The following HOMER3 variants were observed in gnomAD, a reference collection of about 807,000 sequenced individuals.
HOMER3 encodes homer protein homolog 3.
A neutral mutation model predicts 45.5 loss-of-function variants in HOMER3; 34 were observed. The observed-to-expected ratio is 0.75, with a 90% CI of 0.57 to 1.00. The LOEUF is 1.00. Ranked by LOEUF, HOMER3 falls within the 50% of genes least tolerant of loss-of-function variation. The probability of loss-of-function intolerance (pLI) is 0.00; values close to 1 mark genes in which losing one functional copy is unlikely to be tolerated. For missense variants in HOMER3, 480 were observed against 497.5 expected (o/e 0.96, Z 0.33); for synonymous variants, 223 against 208.8 (o/e 1.07, Z -0.58).
chr19:18,933,043 C>T lies in HOMER3; in HGVS notation c.414G>A (p.Val138=). The T allele has an allele frequency of 1.3e-6, 2 of 1,489,096 alleles. No homozygotes were observed. The highest frequency in any genetic ancestry group is 1.8e-6 in the Non-Finnish European group (2 of 1,124,184). 92.2% of individuals were successfully genotyped at this position (1,489,096 alleles called of 1,614,324 possible). A position where few individuals can be genotyped will look rare whatever the true frequency, so the allele number is the denominator to read the frequency against. The change falls in exon 6 of 10, where the codon GTG becomes GTA. Residue 138 remains valine, a splice_region_variant and synonymous_variant. Transcript: ENST00000392351. ...SPALGLASHQ[V]PPSPLVSANG... ...TGGCACTGACGAGAGGGCTCGGGGGCACCTAGGCACGGGGAAAAGAATAGG... is the reference window on the plus strand; with the variant it reads ...TGGCACTGACGAGAGGGCTCGGGGGTACCTAGGCACGGGGAAAAGAATAGG...
chr19:18,933,768 G>A (rs931662182), intron 5 of HOMER3, among the ~76,000 whole-genome samples: 9 of 151,744 alleles, frequency 5.9e-5, no homozygotes, highest in African/African-American at 2.2e-4. Flanking sequence ...GCAGTGGCAC[G>A]ATCTCGGCTC....
chr19:18,929,971 G>A (rs1285555002), intron 9 of HOMER3, among the ~76,000 whole-genome samples: 3 of 151,632 alleles, frequency 2.0e-5, no homozygotes, highest in Non-Finnish European at 2.9e-5. Flanking sequence ...ACACCACCAC[G>A]CCCAGTGATG....
rs571999581 is a variant in HOMER3 at position 18,935,430 on chromosome 19, GGGGT to G, written c.304-1024_304-1021del. Among the ~76,000 whole-genome samples, 364 of 152,024 alleles carry G rather than the reference GGGGT, an allele frequency of 2.4e-3. 4 individuals are homozygous for G. Among genetic ancestry groups the G allele is most frequent in the African/African-American group, 8.5e-3 (351 of 41,492 alleles). ...GAATGACAGGTATGAGCCAACATGTGGGGTCCCTTTTAATCTTTATCAGGGCTAT... is the reference window on the plus strand; with the variant it reads ...GAATGACAGGTATGAGCCAACATGTGCCCTTTTAATCTTTATCAGGGCTAT... On this transcript the variant is annotated intron_variant, in intron 4 of 9. Coordinates refer to ENST00000392351, the MANE Select transcript of HOMER3 (RefSeq NM_004838.4).
At chr19:18,934,277 G>T (rs1020543778) in intron 5 of HOMER3, 26 bp downstream of exon 5, 2 of 1,337,850 alleles carry the variant, frequency 1.5e-6, no homozygotes, top group Admixed American at 3.0e-5. Context: ...TGCCCAGGCA[G>T]GCATAGGGGA....
chr19:18,937,453 G>A (rs542226156), intron 4 of HOMER3, among the ~76,000 whole-genome samples: 1 of 151,936 alleles, frequency 6.6e-6, no homozygotes, highest in Non-Finnish European at 1.5e-5. Context: ...GAGGCAGGTG[G>A]ATCATCTGAG....
At chr19:18,932,511 T>G (rs2057047447) in intron 6 of HOMER3, among the ~76,000 whole-genome samples, 1 of 151,356 alleles carries the variant, frequency 6.6e-6, no homozygotes, top group Admixed American at 6.6e-5. Flanking sequence ...AGCTTGGGGA[T>G]GGGGCAGTCC....
At chr19:18,936,482 C>T (rs2145130077) in intron 4 of HOMER3, among the ~76,000 whole-genome samples, 1 of 151,204 alleles carries the variant, frequency 6.6e-6, no homozygotes, top group South Asian at 2.1e-4. Flanking sequence ...GCTAAGAATA[C>T]AAAAATTAAA....
In HOMER3 at chr19:18,930,959, G is replaced by A. The variant is rs866852817; in HGVS notation, c.894+366C>T. The stretch of plus-strand genomic sequence containing the variant: ...GGAGGTGGAGGTTGCAGTGAGCTGA[G>A]ATCGTGCCATTGCACTCCAGCCTGG... On this transcript the variant is annotated intron_variant, in intron 9 of 9. Transcript: ENST00000392351. Among the ~76,000 whole-genome samples, 42 of 152,174 alleles carry A rather than the reference G, an allele frequency of 2.8e-4. 1 individual carries two copies. Among genetic ancestry groups the A allele is most frequent in the Middle Eastern group, 3.4e-3 (1 of 294 alleles).
At chr19:18,935,414 G>A (rs1233147041) in intron 4 of HOMER3, among the ~76,000 whole-genome samples, 1 of 152,074 alleles carries the variant, frequency 6.6e-6, no homozygotes, top group East Asian at 1.9e-4. Flanking sequence ...AGAATGACAG[G>A]TATGAGCCAA....
rs372235545 is a variant in HOMER3 at position 18,929,319 on chromosome 19, C to T, written c.*124G>A. 4.7e-4 allele frequency: 539 copies of T among 1,158,560 alleles called. 1 individual carries two copies. Among genetic ancestry groups the T allele is most frequent in the Middle Eastern group, 3.5e-3 (18 of 5,206 alleles). The allele number at this position is 1,158,560 out of a possible 1,614,324, so 71.8% of individuals were successfully genotyped here. ...GGGGCCCACCCCAGCCCAGCCCGGC[C>T]CGGCCCACCCAGGGCTAAGTTGGGA... On this transcript the variant is annotated 3_prime_UTR_variant, in exon 10 of 10. Coordinates refer to ENST00000392351, the MANE Select transcript of HOMER3 (RefSeq NM_004838.4).
rs775391920 is a variant in HOMER3 at position 18,929,565 on chromosome 19, G to A, written c.964C>T (p.Arg322Trp). ...RAMERSLEEA[R>W]AERERARAEV... Reference sequence around the variant, plus strand: ...GCCCGCGCCCGCTCCCGCTCTGCCCGTGCCTCCTCCAGGCTGCGCTCCATC... The same window carrying A: ...GCCCGCGCCCGCTCCCGCTCTGCCCATGCCTCCTCCAGGCTGCGCTCCATC... Residue 322 changes from arginine (R) to tryptophan (W), a missense_variant, in exon 10 of 10, where the codon CGG becomes TGG. Transcript: ENST00000392351. 1.2e-5 allele frequency: 18 copies of A among 1,550,248 alleles called. No homozygotes were observed. The highest frequency in any genetic ancestry group is 6.8e-5 in the African/African-American group (5 of 73,344).
intron 4 of HOMER3, among the ~76,000 whole-genome samples, chr19:18,935,123 C>G (rs2057078031): frequency 6.8e-6 from 1 of 146,208 alleles, no homozygotes; most frequent in Admixed American, 7.1e-5. Context: ...ATTACAGGCA[C>G]AGCACCCAGC....
At chr19:18,932,532 G>A (rs113243501) in intron 6 of HOMER3, among the ~76,000 whole-genome samples, 1 of 152,092 alleles carries the variant, frequency 6.6e-6, no homozygotes, top group African/African-American at 2.4e-5. Context: ...CGCAGAAGCG[G>A]GGTCTTGTCG....
At chr19:18,938,906 G>T (rs1325359790) in intron 2 of HOMER3, 22 bp from the exon 3 acceptor site, 3 of 1,605,908 alleles carry the variant, frequency 1.9e-6, no homozygotes, top group Non-Finnish European at 2.5e-6. Flanking sequence ...GAGGGTGTTT[G>T]GTGGGGGCCA....
At position 18,932,986 on chromosome 19, in the gene HOMER3, G is replaced by A. The variant is rs750322798; in HGVS notation, c.471C>T (p.Ser157=). 3 of 1,470,024 alleles carry A rather than the reference G, an allele frequency of 2.0e-6. No individual in the cohort carries two copies. The South Asian group carries it at 4.3e-5, about 21-fold the overall frequency. The allele number at this position is 1,470,024 out of a possible 1,614,324, so 91.1% of individuals were successfully genotyped here. A position where few individuals can be genotyped will look rare whatever the true frequency, so the allele number is the denominator to read the frequency against. Reference sequence around the variant, plus strand: ...TGGGGCCGGGGGCATCAGCGCTCTGGCTGCGGAACAGTTTTTCCTCGCCGG... The same window carrying A: ...TGGGGCCGGGGGCATCAGCGCTCTGACTGCGGAACAGTTTTTCCTCGCCGG... ...NGPGEEKLFR[S]QSADAPGPTE... Residue 157 remains serine (S), a synonymous_variant, in exon 6 of 10, where the codon AGC becomes AGT. Transcript: ENST00000392351.
In HOMER3 at chr19:18,929,324, C is replaced by T; in HGVS notation, c.*119G>A. 8.2e-7 allele frequency: 1 copy of T among 1,225,162 alleles called. No homozygotes were observed. The highest frequency in any genetic ancestry group is 1.2e-6 in the Non-Finnish European group (1 of 839,570). The allele number at this position is 1,225,162 out of a possible 1,614,324, so 75.9% of individuals were successfully genotyped here. A position where few individuals can be genotyped will look rare whatever the true frequency, so the allele number is the denominator to read the frequency against. The stretch of plus-strand genomic sequence containing the variant: ...CCACCCCAGCCCAGCCCGGCCCGGC[C>T]CACCCAGGGCTAAGTTGGGACCCCC... On this transcript the variant is annotated 3_prime_UTR_variant, in exon 10 of 10. Coordinates refer to ENST00000392351, the MANE Select transcript of HOMER3 (RefSeq NM_004838.4).
At chr19:18,932,864 G>C in intron 6 of HOMER3, 60 bp downstream of exon 6, 2 of 1,246,562 alleles carry the variant, frequency 1.6e-6, no homozygotes, top group Non-Finnish European at 1.0e-6. Flanking sequence ...TCCAAGAACC[G>C]CCTCCTCGTC....
chr19:18,935,058 T>A (rs2057077248), intron 4 of HOMER3, among the ~76,000 whole-genome samples: 1 of 151,668 alleles, frequency 6.6e-6, no homozygotes, highest in Admixed American at 6.6e-5. Flanking sequence ...GCCAGGCTGA[T>A]CTTAAATTCC....
rs781414726 is a variant in HOMER3 at position 18,931,380 on chromosome 19, C to T, written c.839G>A (p.Gly280Glu). ...GGCAGCCTCCAGGGCCTCGCGGGGC[C>T]CCCCAGTCTGACTCTTCAGGGTCTG... ...EIQTLKSQTG[G>E]PREALEAAER... The change falls in exon 9 of 10, where the codon GGG (glycine) becomes GAG (glutamate). Residue 280 changes from glycine (G) to glutamate (E), a missense_variant. Physicochemically the swap from Gly to Glu is moderately conservative, Grantham distance 98. Transcript: ENST00000392351. 148 of 1,614,130 alleles carry T rather than the reference C, an allele frequency of 9.2e-5. No homozygotes were observed. The highest frequency in any genetic ancestry group is 2.0e-4 in the East Asian group (9 of 44,884).
Sources: gnomAD v4.1 joint callset for allele counts (sites outside exome capture counted in the v4.1 genomes callset) on GRCh38, gnomAD v4.1.1 for gene constraint, MANE v1.5 for transcripts, NCBI Gene and HGNC (gene_info 2026-07-23, HGNC 2026-07-21) for gene names.